The following KCNH5 variants were observed in gnomAD, a reference collection of about 807,000 sequenced individuals.
KCNH5 encodes potassium voltage-gated channel subfamily H member 5.
Under a neutral mutation model 96.1 loss-of-function variants are expected in KCNH5, and 46 were observed. The ratio of observed to expected loss-of-function variants is 0.48; its 90% CI spans 0.38 to 0.61. The LOEUF is 0.61. KCNH5 is among the 20% of genes least tolerant of loss of function. The pLI is 0.00. For missense variants in KCNH5, 907 were observed against 1,225.8 expected (o/e 0.74, Z 3.88); for synonymous variants, 439 against 449.8 (o/e 0.98, Z 0.30).
At chr14:62,856,712 G>T (rs916095167) in intron 7 of KCNH5, among the ~76,000 whole-genome samples, 1 of 151,970 alleles carries the variant, frequency 6.6e-6, no homozygotes, top group Non-Finnish European at 1.5e-5. Flanking sequence ...TTCGCTGGAT[G>T]CTCTTTTGCA....
chr14:63,026,674 G>A (rs921022038), intron 1 of KCNH5, among the ~76,000 whole-genome samples: 3 of 151,828 alleles, frequency 2.0e-5, no homozygotes, highest in Non-Finnish European at 4.4e-5. Context: ...CATACCTACT[G>A]GAATGGCTAT....
At chr14:62,959,777 T>C (rs1457163901) in intron 6 of KCNH5, among the ~76,000 whole-genome samples, 1 of 152,078 alleles carries the variant, frequency 6.6e-6, no homozygotes, top group Non-Finnish European at 1.5e-5. Flanking sequence ...AATACATAAT[T>C]TTAACTCCTA....
chr14:63,019,338 T>C (rs114815944), intron 1 of KCNH5, among the ~76,000 whole-genome samples: 145 of 152,040 alleles, frequency 9.5e-4, no homozygotes, highest in African/African-American at 3.4e-3. Flanking sequence ...TTGAGGAAAT[T>C]GAAAAATTAT....
chr14:62,715,039 A>T (rs1884654276), intron 10 of KCNH5, among the ~76,000 whole-genome samples: 1 of 152,166 alleles, frequency 6.6e-6, no homozygotes, highest in Non-Finnish European at 1.5e-5. Context: ...TGTTCTGCAG[A>T]ATCCATGCTG....
intron 7 of KCNH5, among the ~76,000 whole-genome samples, chr14:62,861,051 A>G (rs893156953): frequency 1.3e-5 from 2 of 152,214 alleles, no homozygotes; most frequent in Non-Finnish European, 2.9e-5. Flanking sequence ...ATGATTTTTC[A>G]AAATCTATAG....
At chr14:62,756,611 A>G (rs1253682430) in intron 10 of KCNH5, among the ~76,000 whole-genome samples, 1 of 152,182 alleles carries the variant, frequency 6.6e-6, no homozygotes, top group Non-Finnish European at 1.5e-5. Context: ...CACAGAAACC[A>G]ATGGAACAGA....
intron 7 of KCNH5, among the ~76,000 whole-genome samples, chr14:62,914,748 C>T (rs1036052177): frequency 5.9e-5 from 9 of 152,180 alleles, no homozygotes; most frequent in African/African-American, 2.2e-4. Flanking sequence ...CTTCCCAGAA[C>T]TATGAGAAAT....
chr14:62,974,207 A>G (rs1890460488), intron 6 of KCNH5, among the ~76,000 whole-genome samples: 1 of 152,130 alleles, frequency 6.6e-6, no homozygotes, highest in Non-Finnish European at 1.5e-5. Flanking sequence ...TTTTTGACCT[A>G]GTTTTTATGT....
At position 62,707,018 on chromosome 14, in the gene KCNH5, C is replaced by G. The variant is rs1884446990; in HGVS notation, c.*490G>C. On this transcript the variant is annotated 3_prime_UTR_variant, in exon 11 of 11. Transcript: ENST00000322893. ...GCCTGTAGGGGAAAAGAACCTAACA[C>G]TAAGTTACAGAAAAATATCCTATGG... 6.6e-6 allele frequency: 1 copy of G among 152,178 alleles called. No individual in the cohort carries two copies. The highest frequency in any genetic ancestry group is 1.5e-5 in the Non-Finnish European group (1 of 68,034). 9.4% of individuals were successfully genotyped at this position (152,178 alleles called of 1,614,324 possible). A position where few individuals can be genotyped will look rare whatever the true frequency, so the allele number is the denominator to read the frequency against.
intron 10 of KCNH5, among the ~76,000 whole-genome samples, chr14:62,726,806 G>A (rs957372062): frequency 1.3e-5 from 2 of 152,116 alleles, no homozygotes; most frequent in Admixed American, 6.5e-5. Flanking sequence ...GTACAAGGAG[G>A]TAGGCAGCAA....
chr14:62,724,353 C>A (rs1595594854), intron 10 of KCNH5, among the ~76,000 whole-genome samples: 1 of 152,160 alleles, frequency 6.6e-6, no homozygotes, highest in Admixed American at 6.5e-5. Context: ...TGGGGCTGAA[C>A]TTGCTTCTTT....
intron 7 of KCNH5, among the ~76,000 whole-genome samples, chr14:62,947,380 G>A (rs565859334): frequency 6.6e-6 from 1 of 152,172 alleles, no homozygotes; most frequent in South Asian, 2.1e-4. Context: ...ATCTCTCTCT[G>A]TGTATAAGGA....
At chr14:62,841,677 C>T (rs138092485) in intron 8 of KCNH5, among the ~76,000 whole-genome samples, 2 of 152,196 alleles carry the variant, frequency 1.3e-5, no homozygotes, top group African/African-American at 4.8e-5. Flanking sequence ...TAGTTTATAA[C>T]CTGTAAAGGA....
chr14:62,711,181 C>A (rs1884558763), intron 10 of KCNH5, among the ~76,000 whole-genome samples: 1 of 152,094 alleles, frequency 6.6e-6, no homozygotes, highest in African/African-American at 2.4e-5. Flanking sequence ...TGTAAAATAT[C>A]AATAAAATAA....
At chr14:62,904,984 G>C (rs1381656680) in intron 7 of KCNH5, among the ~76,000 whole-genome samples, 1 of 152,260 alleles carries the variant, frequency 6.6e-6, no homozygotes, top group East Asian at 1.9e-4. Context: ...CAAAATATAC[G>C]CTACCATGGT....
intron 1 of KCNH5, among the ~76,000 whole-genome samples, chr14:63,040,713 T>G (rs1054949814): frequency 1.3e-5 from 2 of 152,162 alleles, no homozygotes; most frequent in African/African-American, 4.8e-5. Context: ...TACAGATCAC[T>G]AGTTCTGCTT....
intron 1 of KCNH5, among the ~76,000 whole-genome samples, chr14:63,026,351 G>T (rs899556954): frequency 6.6e-6 from 1 of 151,902 alleles, no homozygotes; most frequent in African/African-American, 2.4e-5. Context: ...AACTAAAGCA[G>T]AAATTACCAA....
chr14:62,910,941 A>ACACACACACACC (rs61033705), intron 7 of KCNH5, among the ~76,000 whole-genome samples: 5,780 of 140,598 alleles, frequency 0.041, 142 homozygotes, highest in East Asian at 0.075. Flanking sequence ...ACACACACAC[A>ACACACACACACC]CCCCTCTGTT....
At chr14:62,820,409 G>T (rs1229664632) in intron 8 of KCNH5, among the ~76,000 whole-genome samples, 1 of 151,222 alleles carries the variant, frequency 6.6e-6, no homozygotes, top group Admixed American at 6.6e-5. Flanking sequence ...TGCAGTGGGG[G>T]TTTGTTGTAC....
Sources: gnomAD v4.1 joint callset for allele counts (sites outside exome capture counted in the v4.1 genomes callset) on GRCh38, gnomAD v4.1.1 for gene constraint, MANE v1.5 for transcripts, NCBI Gene and HGNC (gene_info 2026-07-23, HGNC 2026-07-21) for gene names.